The following RDX variants were observed in gnomAD, a reference collection of about 807,000 sequenced individuals.
RDX encodes radixin, also known as deafness, autosomal recessive 24.
A neutral mutation model predicts 83.7 loss-of-function variants in RDX; 32 were observed. The ratio of observed to expected loss-of-function variants is 0.38; its 90% confidence interval spans 0.29 to 0.51. The LOEUF (loss-of-function observed/expected upper bound fraction) is 0.51. Among genes scored for constraint, RDX ranks in the 20% least tolerant of loss-of-function variants. The probability of loss-of-function intolerance (pLI) is 0.87; values close to 1 mark genes in which losing one functional copy is unlikely to be tolerated. For synonymous variants in RDX, 229 were observed against 222.7 expected (o/e 1.03, Z -0.25); for missense variants, 600 against 689.9 (o/e 0.87, Z 1.46).
intron 10 of RDX, among the ~76,000 whole-genome samples, chr11:110,243,151 T>G (rs1865167010): frequency 6.6e-6 from 1 of 152,282 alleles, no homozygotes; most frequent in East Asian, 1.9e-4. Flanking sequence ...TGACAGCATT[T>G]CAGATTTTGG....
intron 7 of RDX, among the ~76,000 whole-genome samples, chr11:110,257,114 T>C (rs1409136643): frequency 1.3e-5 from 2 of 151,284 alleles, no homozygotes; most frequent in East Asian, 1.9e-4. Context: ...CGTCTCTATA[T>C]AGTATTTACC....
intron 15 of RDX, among the ~76,000 whole-genome samples, chr11:110,190,762 A>G (rs1449218658): frequency 3.3e-5 from 5 of 152,228 alleles, no homozygotes; most frequent in African/African-American, 7.2e-5. Flanking sequence ...AGGTGACATT[A>G]CAACTGATCC....
intron 15 of RDX, among the ~76,000 whole-genome samples, chr11:110,191,039 T>C (rs1439346074): frequency 6.6e-6 from 1 of 152,148 alleles, no homozygotes; most frequent in Non-Finnish European, 1.5e-5. Flanking sequence ...CCAATTCTAC[T>C]GAAACTATAC....
chr11:110,182,675 T>C (rs1862910782), intron 15 of RDX, among the ~76,000 whole-genome samples: 1 of 152,234 alleles, frequency 6.6e-6, no homozygotes, highest in Admixed American at 6.5e-5. Flanking sequence ...CTGTTCCTCA[T>C]TGCCATGGGC....
At chr11:110,275,936 C>A (rs1298152463) in intron 2 of RDX, among the ~76,000 whole-genome samples, 2 of 151,920 alleles carry the variant, frequency 1.3e-5, no homozygotes, top group Admixed American at 1.3e-4. Flanking sequence ...AGGCATGCAC[C>A]ACCATGCCTG....
At chr11:110,223,521 C>CT (rs151008413) in intron 14 of RDX, among the ~76,000 whole-genome samples, 4,036 of 151,858 alleles carry the variant, frequency 0.027, 187 homozygotes, top group African/African-American at 0.089. Context: ...GAGAAAGACT[C>CT]TGTCTCAAAA....
chr11:110,263,341 T>TTAA (rs1859877638), intron 5 of RDX: 1 of 151,982 alleles, frequency 6.6e-6, no homozygotes. Context: ...CTCTCACTTA[T>TTAA]TAAGCACCTG....
At chr11:110,226,066 C>CAA (rs56228784), downstream of RDX, among the ~76,000 whole-genome samples, 553 of 110,766 alleles carry the variant, frequency 5.0e-3, 4 homozygotes, top group African/African-American at 0.015. Context: ...AACTCCATCT[C>CAA]AAAAAAAAAA....
chr11:110,216,684 T>C (rs1298282592), intron 14 of RDX, among the ~76,000 whole-genome samples: 1 of 151,024 alleles, frequency 6.6e-6, no homozygotes, highest in African/African-American at 2.4e-5. Flanking sequence ...GGCCCTAATT[T>C]TATTTTTAAT....
intron 15 of RDX, among the ~76,000 whole-genome samples, chr11:110,190,533 AG>A (rs774268385): frequency 2.2e-4 from 33 of 152,328 alleles, no homozygotes; most frequent in African/African-American, 7.0e-4. Flanking sequence ...TGATACCTAC[AG>A]GAACTAGAAA....
At chr11:110,279,604 T>C (rs1860668548) in intron 2 of RDX, 77 bp downstream of exon 2, 1 of 974,630 alleles carries the variant, frequency 1.0e-6, no homozygotes, top group Admixed American at 1.8e-5. Flanking sequence ...TCTACCAACA[T>C]TCTTTGTCTT....
chr11:110,222,708 A>G (rs1239032031), intron 14 of RDX, among the ~76,000 whole-genome samples: 1 of 152,144 alleles, frequency 6.6e-6, no homozygotes, highest in Non-Finnish European at 1.5e-5. Context: ...AGGCATGAGA[A>G]TGGCGTGAAC....
intron 15 of RDX, chr11:110,185,070 C>T (rs1478468055): frequency 2.0e-5 from 3 of 152,134 alleles, no homozygotes; most frequent in Non-Finnish European, 4.4e-5. Flanking sequence ...TCCACTAGCT[C>T]CATCATTATT....
intron 1 of RDX, among the ~76,000 whole-genome samples, chr11:110,283,094 G>A (rs143252100): frequency 3.3e-5 from 5 of 152,062 alleles, no homozygotes; most frequent in Non-Finnish European, 5.9e-5. Flanking sequence ...TAAGAGGCTC[G>A]AATAATTAAA....
intron 15 of RDX, among the ~76,000 whole-genome samples, chr11:110,179,139 TCCAAGGTCCAC>T (rs1191440901): frequency 6.6e-6 from 1 of 152,148 alleles, no homozygotes; most frequent in Non-Finnish European, 1.5e-5. Flanking sequence ...GGAGAACTCA[TCCAAGGTCCAC>T]CCAAGGGCCA....
downstream of RDX, among the ~76,000 whole-genome samples, chr11:110,227,196 G>C (rs1012214616): frequency 6.6e-6 from 1 of 151,444 alleles, no homozygotes; most frequent in East Asian, 1.9e-4. Flanking sequence ...AAAATAAAAG[G>C]GATATCATAG....
At chr11:110,286,746 G>A (rs2134441819) in intron 1 of RDX, among the ~76,000 whole-genome samples, 1 of 152,294 alleles carries the variant, frequency 6.6e-6, no homozygotes, top group East Asian at 1.9e-4. Context: ...AATTTACTGG[G>A]AGAAAGCTGC....
intron 4 of RDX, 29 bp downstream of exon 4, chr11:110,264,750 T>C: frequency 6.9e-7 from 1 of 1,444,348 alleles, no homozygotes; most frequent in Non-Finnish European, 9.7e-7. Context: ...AACATAATTA[T>C]TAGTTTAATG....
At chr11:110,286,604 G>C (rs1860989470) in intron 1 of RDX, among the ~76,000 whole-genome samples, 1 of 152,160 alleles carries the variant, frequency 6.6e-6, no homozygotes, top group Non-Finnish European at 1.5e-5. Flanking sequence ...TTTTACTTTT[G>C]AGATACTCTT....
Sources: gnomAD v4.1 joint callset for allele counts (sites outside exome capture counted in the v4.1 genomes callset) on GRCh38, gnomAD v4.1.1 for gene constraint, MANE v1.5 for transcripts, NCBI Gene and HGNC (gene_info 2026-07-23, HGNC 2026-07-21) for gene names.